TLE4: variants seen among roughly 807,000 people sequenced by gnomAD.
TLE4 encodes the protein TLE family member 4, transcriptional corepressor.
In TLE4, 8 loss-of-function variants were observed where a neutral mutation model predicts 92.8. The observed-to-expected ratio is 0.09, with a 90% CI of 0.05 to 0.16. TLE4 has a LOEUF of 0.16. TLE4 is among the 10% of genes least tolerant of loss of function. The pLI is 1.00. For synonymous variants in TLE4, 371 were observed against 374.1 expected (o/e 0.99, Z 0.10); for missense variants, 675 against 997.6 (o/e 0.68, Z 4.36).
At chr9:79,614,784 A>G (rs146063956) in intron 5 of TLE4, among the ~76,000 whole-genome samples, 328 of 152,172 alleles carry the variant, frequency 2.2e-3, no homozygotes, top group African/African-American at 7.6e-3. Flanking sequence ...TTAAAACAGT[A>G]TGAGATTTTT....
At chr9:79,668,959 A>G in intron 8 of TLE4, 1 of 422,036 alleles carries the variant, frequency 2.4e-6, no homozygotes, top group Non-Finnish European at 3.2e-6. Context: ...TGGACAACAT[A>G]GTGTGACTGA....
intron 8 of TLE4, chr9:79,671,176 T>G (rs531906118): frequency 2.2e-6 from 1 of 446,876 alleles, no homozygotes; most frequent in South Asian, 1.6e-5. Flanking sequence ...AGTTCAACCT[T>G]GGCTGAGAAT....
chr9:79,697,347 G>T (rs2068542494), intron 8 of TLE4, among the ~76,000 whole-genome samples: 1 of 152,130 alleles, frequency 6.6e-6, no homozygotes, highest in South Asian at 2.1e-4. Context: ...CTAATGATCA[G>T]GAGAGGGATT....
chr9:79,640,740 T>C (rs1271234628), intron 6 of TLE4, among the ~76,000 whole-genome samples: 2 of 152,190 alleles, frequency 1.3e-5, no homozygotes. Context: ...TTTTCTTGTT[T>C]GAACCCCCTG....
At chr9:79,722,366 A>G (rs1282092039) in intron 17 of TLE4, 85 bp from the exon 18 acceptor site, 12 of 1,423,448 alleles carry the variant, frequency 8.4e-6, no homozygotes, top group Non-Finnish European at 1.1e-5. Flanking sequence ...TAATTTAAGT[A>G]GTATCTACAG....
chr9:79,620,555 T>A (rs2050704051), intron 5 of TLE4, among the ~76,000 whole-genome samples: 2 of 152,212 alleles, frequency 1.3e-5, no homozygotes, highest in South Asian at 2.1e-4. Context: ...GGAAGCCAGG[T>A]ATACTTATTT....
chr9:79,593,981 T>G (rs2043310962), intron 4 of TLE4, among the ~76,000 whole-genome samples: 1 of 152,222 alleles, frequency 6.6e-6, no homozygotes, highest in Non-Finnish European at 1.5e-5. Flanking sequence ...ATTATTTAAC[T>G]TTTCTGAGTC....
intron 1 of TLE4, chr9:79,573,449 TC>T (rs2036541860): frequency 8.9e-7 from 1 of 1,128,316 alleles, no homozygotes; most frequent in African/African-American, 1.6e-5. Flanking sequence ...ACTCGAACCC[TC>T]GGGGTCCGGG....
intron 5 of TLE4, among the ~76,000 whole-genome samples, chr9:79,624,108 T>A (rs1335219772): frequency 6.6e-6 from 1 of 151,386 alleles, no homozygotes; most frequent in Non-Finnish European, 1.5e-5. Flanking sequence ...GCCCTCATAG[T>A]TCTAAGAAGA....
chr9:79,704,542 G>T, intron 8 of TLE4: 1 of 507,326 alleles, frequency 2.0e-6, no homozygotes, highest in South Asian at 2.9e-5. Flanking sequence ...CCATCTCTCT[G>T]CCTCTTCTCG....
intron 8 of TLE4, among the ~76,000 whole-genome samples, chr9:79,663,191 AC>A (rs1230815736): frequency 6.6e-6 from 1 of 152,162 alleles, no homozygotes; most frequent in African/African-American, 2.4e-5. Flanking sequence ...GTGTACATTT[AC>A]TTGAAGTTAT....
intron 4 of TLE4, among the ~76,000 whole-genome samples, chr9:79,577,235 G>A (rs1202788375): frequency 6.6e-6 from 1 of 152,012 alleles, no homozygotes; most frequent in Non-Finnish European, 1.5e-5. Flanking sequence ...ACTATTTATG[G>A]ATTCCTTTTT....
chr9:79,712,381 A>G (rs1588543664), intron 14 of TLE4, among the ~76,000 whole-genome samples: 1 of 152,340 alleles, frequency 6.6e-6, no homozygotes, highest in East Asian at 1.9e-4. Flanking sequence ...AGAAATGAAT[A>G]TAACAGTTAT....
At chr9:79,609,023 T>C (rs1312281475) in intron 4 of TLE4, among the ~76,000 whole-genome samples, 1 of 152,126 alleles carries the variant, frequency 6.6e-6, no homozygotes, top group Non-Finnish European at 1.5e-5. Flanking sequence ...AAATTTGTTA[T>C]GTGATAAAGG....
intron 12 of TLE4, 104 bp downstream of exon 12, chr9:79,708,354 A>G (rs973286112): frequency 5.2e-6 from 7 of 1,359,216 alleles, no homozygotes; most frequent in Admixed American, 4.4e-5. Flanking sequence ...CCAGCATTGA[A>G]TGGCTGTTAG....
At chr9:79,608,873 T>G (rs1322343502) in intron 4 of TLE4, among the ~76,000 whole-genome samples, 1 of 152,062 alleles carries the variant, frequency 6.6e-6, no homozygotes, top group Non-Finnish European at 1.5e-5. Context: ...AAAATAAAAT[T>G]TATGTCTTTT....
intron 8 of TLE4, among the ~76,000 whole-genome samples, chr9:79,654,821 G>C (rs953884488): frequency 6.6e-5 from 10 of 152,128 alleles, no homozygotes; most frequent in African/African-American, 2.2e-4. Context: ...AAATTAATGT[G>C]ATCACTTATG....
rs940062188 is a variant in TLE4 at position 79,652,965 on chromosome 9, C to G, written c.592+171C>G. 4.9e-6 allele frequency: 4 copies of G among 815,182 alleles called. No individual in the cohort carries two copies. The African/African-American group carries it at 5.0e-5, about 10-fold the overall frequency. 50.5% of individuals were successfully genotyped at this position (815,182 alleles called of 1,614,324 possible). On this transcript the variant is annotated intron_variant, in intron 7 of 19. Transcript: ENST00000376552. The stretch of plus-strand genomic sequence containing the variant: ...AAGTAGTCAATTGCCAAATGATATT[C>G]TAGTGGTTGGCAAGAGCTAACATAC...
intron 8 of TLE4, among the ~76,000 whole-genome samples, chr9:79,678,298 G>A (rs1323562581): frequency 6.6e-6 from 1 of 152,058 alleles, no homozygotes; most frequent in African/African-American, 2.4e-5. Flanking sequence ...AAAAAACTTT[G>A]TAGATGTTAA....
Sources: allele counts gnomAD v4.1 joint callset (sites outside exome capture counted in the v4.1 genomes callset), GRCh38; gene constraint gnomAD v4.1.1; transcripts MANE v1.5; gene names NCBI Gene and HGNC (gene_info 2026-07-23, HGNC 2026-07-21).